Variants in TRDN observed in about 807,000 individuals in gnomAD.
TRDN encodes triadin, also known as triadin in skeletal muscle.
A neutral mutation model predicts 149.7 loss-of-function variants in TRDN; 161 were observed. That is an observed-to-expected ratio of 1.08 (90% CI 0.95 to 1.23). The LOEUF is 1.23. TRDN is among the 50% of genes most tolerant of loss of function. TRDN has a pLI of 0.00. For missense variants in TRDN, 896 were observed against 823.5 expected, an observed-to-expected ratio of 1.09 and a Z score of -1.08; for synonymous variants, 294 against 250.5, an observed-to-expected ratio of 1.17 and a Z score of -1.64.
At chr6:123,511,614 A>C (rs9375260) in intron 7 of TRDN, among the ~76,000 whole-genome samples, 129,051 of 152,162 alleles carry the variant, frequency 0.85, 54,776 homozygotes, top group East Asian at 0.88. Flanking sequence ...TAACAAATTA[A>C]AACAAACTTA....
intron 7 of TRDN, 68 bp from the exon 8 acceptor site, chr6:123,503,969 T>A (rs1778809164): frequency 6.9e-7 from 1 of 1,450,356 alleles, no homozygotes; most frequent in Non-Finnish European, 9.1e-7. Flanking sequence ...ATCTGTACTA[T>A]GTCATTAAGG....
intron 38 of TRDN, among the ~76,000 whole-genome samples, chr6:123,251,066 A>G (rs991259751): frequency 3.9e-5 from 6 of 152,130 alleles, no homozygotes; most frequent in Non-Finnish European, 7.4e-5. Context: ...CTTTGGCTGT[A>G]GGGGAATGGT....
intron 38 of TRDN, among the ~76,000 whole-genome samples, chr6:123,235,203 A>C (rs1294468297): frequency 6.6e-6 from 1 of 152,136 alleles, no homozygotes. Context: ...AGAGATGGGG[A>C]TCAGTCTCTC....
intron 9 of TRDN, among the ~76,000 whole-genome samples, chr6:123,467,037 ATTAC>A (rs1295362229): frequency 6.6e-6 from 1 of 152,108 alleles, no homozygotes; most frequent in Non-Finnish European, 1.5e-5. Flanking sequence ...ATATAAAGTT[ATTAC>A]TTTATTTAAA....
chr6:123,465,052 G>T (rs1005647706), intron 9 of TRDN, 69 bp from the exon 10 acceptor site: 5 of 1,491,546 alleles, frequency 3.4e-6, no homozygotes, highest in Admixed American at 4.2e-5. Flanking sequence ...CAACTAAAAA[G>T]CTAGATCTGT....
At chr6:123,498,948 T>C (rs868420864) in intron 8 of TRDN, among the ~76,000 whole-genome samples, 2 of 152,136 alleles carry the variant, frequency 1.3e-5, no homozygotes, top group Non-Finnish European at 2.9e-5. Context: ...AGAGGAGTTG[T>C]CAAAATACAG....
intron 5 of TRDN, chr6:123,529,013 G>C (rs1780084114): frequency 7.5e-7 from 1 of 1,329,726 alleles, no homozygotes; most frequent in African/African-American, 1.5e-5. Context: ...TGGAAGACTT[G>C]CTAGTTTAAT....
chr6:123,626,935 T>C (rs1215551213), intron 1 of TRDN, among the ~76,000 whole-genome samples: 1 of 151,706 alleles, frequency 6.6e-6, no homozygotes, highest in Non-Finnish European at 1.5e-5. Flanking sequence ...TTTTATTTTA[T>C]TTTATTTTTT....
Position 123,381,430 on chromosome 6 carries a change from T to A in TRDN, c.1166-40A>T, listed in dbSNP as rs368139610. 95 of 1,537,818 alleles carry A rather than the reference T, an allele frequency of 6.2e-5. No homozygotes were observed. The African/African-American group carries it at 1.2e-3, about 20-fold the overall frequency. ...AACAAAATCATTGCTCTTAAAACTT[T>A]AAAGATAAAACGTACTACCCTACAT... On this transcript the variant is annotated intron_variant, in intron 15 of 40. Coordinates refer to ENST00000334268, the MANE Select transcript of TRDN (RefSeq NM_006073.4).
Position 123,382,271 on chromosome 6 carries a change from A to G in TRDN, c.1136-124T>C, listed in dbSNP as rs1781751664. 2.2e-5 allele frequency: 13 copies of G among 601,114 alleles called. No homozygotes were observed. The South Asian group carries it at 4.5e-4, about 21-fold the overall frequency. The allele number at this position is 601,114 out of a possible 1,614,324, so 37.2% of individuals were successfully genotyped here. A position where few individuals can be genotyped will look rare whatever the true frequency, so the allele number is the denominator to read the frequency against. ...TATTCAACAAATTGATCATTTGTAT[A>G]TTTCTAGAATATGAGACTTAGAAAC... On this transcript the variant is annotated intron_variant, in intron 14 of 40. Transcript: ENST00000334268.
At chr6:123,597,713 T>A (rs1254243309) in intron 1 of TRDN, among the ~76,000 whole-genome samples, 1 of 152,108 alleles carries the variant, frequency 6.6e-6, no homozygotes, top group Non-Finnish European at 1.5e-5. Flanking sequence ...AGATTATGAC[T>A]TGCTGAAGGC....
chr6:123,575,500 C>T (rs558798736), intron 1 of TRDN, among the ~76,000 whole-genome samples: 3 of 152,090 alleles, frequency 2.0e-5, no homozygotes, highest in Non-Finnish European at 2.9e-5. Context: ...TAAATATTAC[C>T]GAGCAATTTG....
chr6:123,557,416 C>T (rs1781731305), intron 2 of TRDN, among the ~76,000 whole-genome samples: 1 of 152,114 alleles, frequency 6.6e-6, no homozygotes, highest in Non-Finnish European at 1.5e-5. Flanking sequence ...ATCGGGTAAG[C>T]AGCCTCTTTC....
At chr6:123,525,353 C>T (rs1289494735) in intron 5 of TRDN, among the ~76,000 whole-genome samples, 1 of 151,996 alleles carries the variant, frequency 6.6e-6, no homozygotes, top group East Asian at 1.9e-4. Context: ...TATATATACA[C>T]CATGGAATAC....
At chr6:123,367,345 C>G (rs1781145192) in intron 19 of TRDN, among the ~76,000 whole-genome samples, 2 of 151,660 alleles carry the variant, frequency 1.3e-5, no homozygotes, top group African/African-American at 4.8e-5. Flanking sequence ...TTTGTATCAC[C>G]CTTCACCCAT....
intron 26 of TRDN, 97 bp from the exon 27 acceptor site, chr6:123,274,767 G>A (rs1174247505): frequency 1.7e-6 from 2 of 1,207,636 alleles, no homozygotes; most frequent in East Asian, 2.6e-5. Flanking sequence ...ATCATAATTG[G>A]GAGGATGAGG....
rs1446150197 is a variant in TRDN, at chr6:123,265,201, A to G, written c.1804+117T>C. 4.0e-6 allele frequency: 3 copies of G among 746,982 alleles called. No homozygotes were observed. The East Asian group carries it at 9.6e-5, about 24-fold the overall frequency. The allele number at this position is 746,982 out of a possible 1,614,324, so 46.3% of individuals were successfully genotyped here. The stretch of plus-strand genomic sequence containing the variant: ...GACTCACTTATATGGTAATAGTATA[A>G]TGGCTATTACATTAACAAACAGACC... On this transcript the variant is annotated intron_variant, in intron 33 of 40. Transcript: ENST00000334268.
At chr6:123,409,937 T>C (rs1407152759) in intron 12 of TRDN, among the ~76,000 whole-genome samples, 1 of 152,194 alleles carries the variant, frequency 6.6e-6, no homozygotes, top group Non-Finnish European at 1.5e-5. Flanking sequence ...GAAATAATCA[T>C]AATTGTAAGA....
intron 21 of TRDN, among the ~76,000 whole-genome samples, chr6:123,345,989 A>AT (rs1299661342): frequency 4.0e-5 from 6 of 151,898 alleles, no homozygotes; most frequent in Admixed American, 3.9e-4. Context: ...ATACAGTTTT[A>AT]TTTTTTTCCC....
Sources: allele counts gnomAD v4.1 joint callset (sites outside exome capture counted in the v4.1 genomes callset), GRCh38; gene constraint gnomAD v4.1.1; transcripts MANE v1.5; gene names NCBI Gene and HGNC (gene_info 2026-07-23, HGNC 2026-07-21).